The following CTNNAL1 variants were observed in gnomAD, a reference collection of about 807,000 sequenced individuals.
CTNNAL1 encodes the protein catenin alpha like 1.
Under a neutral mutation model 93.6 loss-of-function variants are expected in CTNNAL1, and 69 were observed. The observed-to-expected ratio is 0.74, with a 90% CI of 0.61 to 0.90. The LOEUF (loss-of-function observed/expected upper bound fraction) is 0.90. Ranked by LOEUF, CTNNAL1 falls within the 40% of genes least tolerant of loss-of-function variation. The pLI is 0.00. For missense variants in CTNNAL1, 836 were observed against 862.0 expected (o/e 0.97, Z 0.38); for synonymous variants, 286 against 305.4 (o/e 0.94, Z 0.66).
chr9:108,950,832 A>C (rs994593315), intron 14 of CTNNAL1: 2 of 451,792 alleles, frequency 4.4e-6, no homozygotes, highest in Non-Finnish European at 7.7e-6. Flanking sequence ...TTGTGTCCCT[A>C]TGAGGTAAGA....
rs1830751862 is a variant in CTNNAL1 at position 108,958,864 on chromosome 9, G to A, written c.1592-3037C>T. 2.0e-5 allele frequency among the ~76,000 whole-genome samples: 3 copies of A among 151,352 alleles called. 1 individual carries two copies. Among genetic ancestry groups the A allele is most frequent in the African/African-American group, 2.4e-5 (1 of 41,164 alleles). On this transcript the variant is annotated intron_variant, in intron 11 of 18. Coordinates refer to ENST00000325551, the MANE Select transcript of CTNNAL1 (RefSeq NM_003798.4). The stretch of plus-strand genomic sequence containing the variant: ...CCTCAGCCTCCTGAGTAGCTGAGTA[G>A]CTGGGACTACAGGTGCACACCACCA...
rs1174463857 is a variant in CTNNAL1 at position 108,948,187 on chromosome 9, T to G, written c.1883A>C (p.Glu628Ala). Residue 628 changes from glutamate (E) to alanine (A), a missense_variant and splice_region_variant, in exon 15 of 19, where the codon GAG (glutamate) becomes GCG (alanine). Glu to Ala is a moderately radical substitution (Grantham distance 107). Coordinates refer to ENST00000325551, the MANE Select transcript of CTNNAL1 (RefSeq NM_003798.4). ...KTSQDLIHQL[E>A]VFAAEGLKLT... ...GCATAAAACGGAAACAAGGCATACC[T>G]CTAGTTGATGAATTAAATCCTGGGA... is the stretch of plus-strand genomic sequence containing the variant. 1.2e-6 allele frequency: 2 copies of G among 1,611,954 alleles called. No individual in the cohort carries two copies. Among genetic ancestry groups the G allele is most frequent in the Non-Finnish European group, 8.5e-7 (1 of 1,179,424 alleles).
At chr9:109,000,520 T>C (rs1334495788) in intron 1 of CTNNAL1, among the ~76,000 whole-genome samples, 1 of 152,170 alleles carries the variant, frequency 6.6e-6, no homozygotes, top group Non-Finnish European at 1.5e-5. Flanking sequence ...TAAACTTTAA[T>C]ATAACTGTTA....
chr9:109,005,792 C>A (rs538061773), intron 1 of CTNNAL1, among the ~76,000 whole-genome samples: 1 of 152,278 alleles, frequency 6.6e-6, no homozygotes, highest in African/African-American at 2.4e-5. Context: ...AAAGATCCTG[C>A]AATTAAGCCA....
rs1317881869 is a variant in CTNNAL1, at chr9:108,958,951, A to G, written c.1592-3124T>C. ...CTAATTATTGCCGTTGATTCTAAGC[A>G]GAAAAAAAAAAAAAAAGAATAAACT... is the stretch of plus-strand genomic sequence containing the variant. On this transcript the variant is annotated intron_variant, in intron 11 of 18. Coordinates refer to ENST00000325551, the MANE Select transcript of CTNNAL1 (RefSeq NM_003798.4). 4.0e-5 allele frequency among the ~76,000 whole-genome samples: 6 copies of G among 148,514 alleles called. No individual in the cohort carries two copies. The East Asian group carries it at 1.2e-3, about 29-fold the overall frequency.
Position 108,975,373 on chromosome 9 carries a change from C to T in CTNNAL1, c.1188+1589G>A, listed in dbSNP as rs116899784. Among the ~76,000 whole-genome samples the T allele has an allele frequency of 9.3e-3, 1,407 of 152,054 alleles. 14 individuals are homozygous for T. Among genetic ancestry groups the T allele is most frequent in the Middle Eastern group, 0.024 (7 of 294 alleles). On this transcript the variant is annotated intron_variant, in intron 8 of 18. Coordinates refer to ENST00000325551, the MANE Select transcript of CTNNAL1 (RefSeq NM_003798.4). ...GGGCAACAGGAAAGCCTCTGAAGAA[C>T]CACTAAGGTATCCATGAGAGTGAGA...
intron 2 of CTNNAL1, among the ~76,000 whole-genome samples, chr9:108,995,299 G>C (rs1831976277): frequency 6.6e-6 from 1 of 152,128 alleles, no homozygotes; most frequent in Non-Finnish European, 1.5e-5. Flanking sequence ...TGTTTCCTCT[G>C]ATCCTCTGGA....
chr9:109,007,522 C>T (rs1827068611), intron 1 of CTNNAL1, among the ~76,000 whole-genome samples: 1 of 152,122 alleles, frequency 6.6e-6, no homozygotes, highest in Non-Finnish European at 1.5e-5. Flanking sequence ...GGCAGATATC[C>T]TTCTTCCCTT....
At chr9:108,973,091 C>A (rs1427628821) in intron 8 of CTNNAL1, among the ~76,000 whole-genome samples, 1 of 152,150 alleles carries the variant, frequency 6.6e-6, no homozygotes. Context: ...CTAATTCATC[C>A]TTTAACCCCC....
chr9:108,953,480 G>C (rs994867240), intron 12 of CTNNAL1, among the ~76,000 whole-genome samples: 1 of 151,980 alleles, frequency 6.6e-6, no homozygotes, highest in African/African-American at 2.4e-5. Context: ...CACACATTGG[G>C]TATGGATTCA....
At chr9:108,961,029 T>C (rs900512552) in intron 11 of CTNNAL1, among the ~76,000 whole-genome samples, 6 of 152,070 alleles carry the variant, frequency 3.9e-5, no homozygotes, top group African/African-American at 1.4e-4. Flanking sequence ...CTCCCTCCTA[T>C]TGCTTAGCGT....
chr9:109,007,371 G>T (rs905062944), intron 1 of CTNNAL1, among the ~76,000 whole-genome samples: 1 of 152,160 alleles, frequency 6.6e-6, no homozygotes, highest in African/African-American at 2.4e-5. Context: ...CCAGAACAAT[G>T]CAGAGAGTAA....
At chr9:108,962,879 A>G (rs1003134079) in intron 11 of CTNNAL1, among the ~76,000 whole-genome samples, 3 of 152,174 alleles carry the variant, frequency 2.0e-5, no homozygotes, top group Admixed American at 2.0e-4. Context: ...TAAAACTTGA[A>G]GCATAGAGAG....
intron 6 of CTNNAL1, among the ~76,000 whole-genome samples, chr9:108,982,529 C>T (rs1479112492): frequency 6.6e-6 from 1 of 152,158 alleles, no homozygotes; most frequent in Non-Finnish European, 1.5e-5. Context: ...AGATATGGCA[C>T]TGCTCAAAAA....
At chr9:108,995,140 T>C (rs1831970708) in intron 2 of CTNNAL1, among the ~76,000 whole-genome samples, 1 of 152,182 alleles carries the variant, frequency 6.6e-6, no homozygotes, top group Non-Finnish European at 1.5e-5. Flanking sequence ...TTGGGTTAAT[T>C]TGTTACACAG....
chr9:108,966,874 T>C (rs1164665947), intron 10 of CTNNAL1, among the ~76,000 whole-genome samples: 5 of 152,176 alleles, frequency 3.3e-5, no homozygotes, highest in African/African-American at 1.2e-4. Flanking sequence ...CAGTAGAAAT[T>C]ACACTTTAGC....
At chr9:108,984,224 T>G (rs1296221937) in intron 5 of CTNNAL1, 123 bp downstream of exon 5, 5 of 607,878 alleles carry the variant, frequency 8.2e-6, no homozygotes, top group Non-Finnish European at 1.5e-5. Context: ...ATTTAACTAT[T>G]CAGGCCTATG....
chr9:108,992,421 A>C (rs1831844257), intron 3 of CTNNAL1, among the ~76,000 whole-genome samples: 1 of 151,518 alleles, frequency 6.6e-6, no homozygotes, highest in Non-Finnish European at 1.5e-5. Context: ...ACGCTCAGAC[A>C]TGCATAGCCC....
At chr9:108,972,865 A>ATT in intron 8 of CTNNAL1, 32 bp from the exon 9 acceptor site, 3 of 219,280 alleles carry the variant, frequency 1.4e-5, no homozygotes, top group Non-Finnish European at 1.9e-5. Context: ...GGGGGGTGGG[A>ATT]GGGTGGAGAA....
Sources: gnomAD v4.1 joint callset for allele counts (sites outside exome capture counted in the v4.1 genomes callset) on GRCh38, gnomAD v4.1.1 for gene constraint, MANE v1.5 for transcripts, NCBI Gene and HGNC (gene_info 2026-07-23, HGNC 2026-07-21) for gene names.